Variants in SGSM1 observed in about 807,000 individuals in gnomAD.
SGSM1 encodes the protein RUN and TBC1 domain containing 2.
A neutral mutation model predicts 133.8 loss-of-function variants in SGSM1; 73 were observed. The ratio of observed to expected loss-of-function variants is 0.55; its 90% CI spans 0.45 to 0.66. The LOEUF is 0.66. Among genes scored for constraint, SGSM1 ranks in the 30% least tolerant of loss-of-function variants. The pLI is 0.00. For missense variants in SGSM1, 1,213 were observed against 1,448.1 expected (o/e 0.84, Z 2.64); for synonymous variants, 563 against 573.0 (o/e 0.98, Z 0.25).
At chr22:24,855,240 G>A (rs1377996513) in intron 6 of SGSM1, 45 bp from the exon 7 acceptor site, 3 of 1,583,892 alleles carry the variant, frequency 1.9e-6, no homozygotes, top group East Asian at 4.6e-5. Flanking sequence ...ACATGCGGGA[G>A]GACTTTCCGG....
At chr22:24,817,308 A>G (rs1928152859) in intron 2 of SGSM1, among the ~76,000 whole-genome samples, 1 of 151,854 alleles carries the variant, frequency 6.6e-6, no homozygotes, top group Admixed American at 6.6e-5. Flanking sequence ...TTGTAGAAAC[A>G]TCTTGTACTT....
Position 24,859,639 on chromosome 22 carries a change from T to C in SGSM1, c.802-77T>C, listed in dbSNP as rs1931010083. Reference sequence around the variant, plus strand: ...CCTCTTAGTTCTGATTATGTGTTCTTAAATCAAACGGGCCAGGACCTATGT... The same window carrying C: ...CCTCTTAGTTCTGATTATGTGTTCTCAAATCAAACGGGCCAGGACCTATGT... On this transcript the variant is annotated intron_variant, in intron 8 of 24. Coordinates refer to ENST00000400358, the MANE Select transcript of SGSM1 (RefSeq NM_001098497.3). 2.5e-6 allele frequency: 4 copies of C among 1,592,580 alleles called. No homozygotes were observed. The Admixed American group carries it at 5.1e-5, about 20-fold the overall frequency.
chr22:24,836,895 T>C (rs139646), intron 2 of SGSM1, among the ~76,000 whole-genome samples: 81,396 of 152,102 alleles, frequency 0.54, 22,005 homozygotes, highest in African/African-American at 0.56. Context: ...TTTATTTTGT[T>C]CTTTGATCCA....
chr22:24,849,247 T>TAA lies in SGSM1; in HGVS notation c.303-1018_303-1017dup, dbSNP rs377102485. 8.8e-3 allele frequency among the ~76,000 whole-genome samples: 1,258 copies of TAA among 142,562 alleles called. 8 individuals carry two copies. Among genetic ancestry groups the TAA allele is most frequent in the Middle Eastern group, 0.026 (7 of 270 alleles). The allele number at this position is 142,562 out of a possible 152,430, so 93.5% of individuals were successfully genotyped here. A position where few individuals can be genotyped will look rare whatever the true frequency, so the allele number is the denominator to read the frequency against. On this transcript the variant is annotated intron_variant, in intron 4 of 24. Transcript: ENST00000400358. ...GGTAGACTCTCAGTAAGTATTTTATTAAAAAAAAAAAAAAAATGAGTTGCG... is the reference window on the plus strand; with the variant it reads ...GGTAGACTCTCAGTAAGTATTTTATTAAAAAAAAAAAAAAAAAATGAGTTGCG...
chr22:24,842,807 T>G (rs1346593891), intron 2 of SGSM1, among the ~76,000 whole-genome samples: 2 of 152,220 alleles, frequency 1.3e-5, no homozygotes, highest in Non-Finnish European at 2.9e-5. Context: ...CCGACATTTA[T>G]TTGCAGCACA....
At chr22:24,867,711 A>G (rs946514586) in intron 10 of SGSM1, among the ~76,000 whole-genome samples, 1 of 152,200 alleles carries the variant, frequency 6.6e-6, no homozygotes, top group Admixed American at 6.5e-5. Flanking sequence ...GAGTAAGCAG[A>G]GGGCCATCCT....
chr22:24,815,662 G>A (rs907690586), intron 2 of SGSM1, among the ~76,000 whole-genome samples: 13 of 152,316 alleles, frequency 8.5e-5, no homozygotes, highest in East Asian at 1.9e-4. Flanking sequence ...GGAGAATGGC[G>A]TGAACCTGGG....
intron 15 of SGSM1, among the ~76,000 whole-genome samples, chr22:24,885,790 G>T (rs764481088): frequency 6.6e-6 from 1 of 152,174 alleles, no homozygotes. Flanking sequence ...TTGCGTACCC[G>T]TGTAGGGACG....
At chr22:24,810,507 G>T (rs999011317) in intron 2 of SGSM1, among the ~76,000 whole-genome samples, 5 of 152,166 alleles carry the variant, frequency 3.3e-5, no homozygotes, top group South Asian at 4.1e-4. Flanking sequence ...CCCAGAGCGA[G>T]CAGGGACTGG....
rs749557877 is a variant in SGSM1 at position 24,886,718 on chromosome 22, A to C, written c.1760A>C (p.Glu587Ala). 1 of 1,585,610 alleles carries C rather than the reference A, an allele frequency of 6.3e-7. No homozygotes were observed. Among genetic ancestry groups the C allele is most frequent in the Non-Finnish European group, 8.6e-7 (1 of 1,166,302 alleles). ...GHYQFGMTET[E>A]RKEVDEQIHA... ...TACCAGTTCGGGATGACGGAAACAGAAAGGAAAGAGGTCGGTTACCTGCCA... is the reference window on the plus strand; with the variant it reads ...TACCAGTTCGGGATGACGGAAACAGCAAGGAAAGAGGTCGGTTACCTGCCA... Residue 587 changes from glutamate to alanine, a missense_variant, in exon 16 of 25, where the codon GAA becomes GCA. By Grantham distance (107) the Glu-to-Ala change is moderately radical (BLOSUM62 -1). Transcript: ENST00000400358.
At chr22:24,863,464 G>C (rs1251910194) in intron 9 of SGSM1, among the ~76,000 whole-genome samples, 3 of 151,906 alleles carry the variant, frequency 2.0e-5, no homozygotes, top group Non-Finnish European at 4.4e-5. Flanking sequence ...GCCATCGTAG[G>C]CGCTTTGATA....
At chr22:24,893,662 G>T (rs1459425168) in intron 17 of SGSM1, 49 bp downstream of exon 17, 7 of 1,494,380 alleles carry the variant, frequency 4.7e-6, no homozygotes, top group African/African-American at 1.4e-5. Flanking sequence ...GAAGGTCAGG[G>T]TCTGCTTCAT....
At chr22:24,886,546 C>G (rs943732839) in intron 15 of SGSM1, 54 bp from the exon 16 acceptor site, 6 of 1,538,262 alleles carry the variant, frequency 3.9e-6, no homozygotes, top group Non-Finnish European at 4.4e-6. Context: ...CCTACTAAAA[C>G]CACCCCCTGG....
intron 2 of SGSM1, among the ~76,000 whole-genome samples, chr22:24,838,910 A>G (rs896575139): frequency 1.6e-5 from 2 of 123,360 alleles, no homozygotes; most frequent in African/African-American, 6.7e-5. Context: ...TAATTTTAGG[A>G]TAGATATTTA....
chr22:24,861,190 TA>T (rs1276573564), intron 9 of SGSM1, among the ~76,000 whole-genome samples: 1 of 150,438 alleles, frequency 6.6e-6, no homozygotes, highest in Admixed American at 6.6e-5. Flanking sequence ...CTGTCTCTAC[TA>T]AAAATACAAA....
intron 4 of SGSM1, among the ~76,000 whole-genome samples, chr22:24,849,881 A>G (rs943088881): frequency 1.3e-5 from 2 of 152,138 alleles, no homozygotes; most frequent in Non-Finnish European, 2.9e-5. Context: ...CGTTAGTGGT[A>G]AGGAGATTGC....
intron 17 of SGSM1, among the ~76,000 whole-genome samples, chr22:24,894,744 G>A (rs894362112): frequency 3.3e-5 from 5 of 152,092 alleles, no homozygotes; most frequent in Non-Finnish European, 7.4e-5. Context: ...AATGCACAAG[G>A]GTGTTCTAAG....
chr22:24,843,024 T>G (rs942720420), intron 2 of SGSM1, among the ~76,000 whole-genome samples: 1 of 151,402 alleles, frequency 6.6e-6, no homozygotes, highest in East Asian at 1.9e-4. Flanking sequence ...GCAGGAGCCA[T>G]GATGGGAGAA....
intron 17 of SGSM1, among the ~76,000 whole-genome samples, chr22:24,894,679 A>G (rs2330936): frequency 0.18 from 27,594 of 152,174 alleles, 3,247 homozygotes; most frequent in African/African-American, 0.32. Context: ...CTGCCCAGCA[A>G]GTTAACCTGG....
Sources: gnomAD v4.1 joint callset for allele counts (sites outside exome capture counted in the v4.1 genomes callset) on GRCh38, gnomAD v4.1.1 for gene constraint, MANE v1.5 for transcripts, NCBI Gene and HGNC (gene_info 2026-07-23, HGNC 2026-07-21) for gene names.